The following SLIT2 variants were observed in gnomAD, a reference collection of about 807,000 sequenced individuals.
SLIT2 encodes the protein slit guidance ligand 2.
Under a neutral mutation model 185.7 loss-of-function variants are expected in SLIT2, and 41 were observed. That is an observed-to-expected ratio of 0.22 (90% CI 0.17 to 0.29). The LOEUF is 0.29. Ranked by LOEUF, SLIT2 falls within the 10% of genes least tolerant of loss-of-function variation. The pLI is 1.00. For synonymous variants in SLIT2, 693 were observed against 680.2 expected, an observed-to-expected ratio of 1.02 and a Z score of -0.29; for missense variants, 1,571 against 1,909.0, an observed-to-expected ratio of 0.82 and a Z score of 3.30.
intron 29 of SLIT2, among the ~76,000 whole-genome samples, chr4:20,581,535 A>G (rs911785260): frequency 3.3e-5 from 5 of 152,144 alleles, no homozygotes; most frequent in East Asian, 1.9e-4. Flanking sequence ...TACCCAAATC[A>G]TAGACATTCT....
chr4:20,322,412 T>C (rs899531754), intron 4 of SLIT2, among the ~76,000 whole-genome samples: 4 of 152,156 alleles, frequency 2.6e-5, no homozygotes, highest in African/African-American at 9.6e-5. Context: ...GGAGGGGTCA[T>C]CAAGGTCATA....
At chr4:20,578,546 A>T (rs993079899) in intron 29 of SLIT2, among the ~76,000 whole-genome samples, 1 of 152,216 alleles carries the variant, frequency 6.6e-6, no homozygotes, top group Non-Finnish European at 1.5e-5. Context: ...TAGGAATAAA[A>T]ATGGGCTGCA....
chr4:20,583,744 G>A (rs1032987973), intron 29 of SLIT2, among the ~76,000 whole-genome samples: 3 of 151,968 alleles, frequency 2.0e-5, no homozygotes, highest in Admixed American at 1.3e-4. Context: ...AGGAGGCAGA[G>A]GTTGCAGTGA....
At chr4:20,419,698 T>C (rs904037375) in intron 4 of SLIT2, among the ~76,000 whole-genome samples, 4 of 151,730 alleles carry the variant, frequency 2.6e-5, no homozygotes, top group Non-Finnish European at 5.9e-5. Flanking sequence ...TGTGTGTGTG[T>C]GTGTGTGTGT....
At chr4:20,472,386 G>GAGATATAGATATCTATATCTCTATATA (rs1560453735) in intron 5 of SLIT2, among the ~76,000 whole-genome samples, 1 of 38,394 alleles carries the variant, frequency 2.6e-5, no homozygotes, top group Non-Finnish European at 3.9e-5. Flanking sequence ...CTATATATAT[G>GAGATATAGATATCTATATCTCTATATA]TAGATATATA....
At chr4:20,492,652 C>T (rs1717883238) in intron 9 of SLIT2, among the ~76,000 whole-genome samples, 1 of 152,170 alleles carries the variant, frequency 6.6e-6, no homozygotes, top group South Asian at 2.1e-4. Flanking sequence ...ACCACCCAGC[C>T]CATTATATTA....
At chr4:20,578,661 A>G (rs1163721365) in intron 29 of SLIT2, among the ~76,000 whole-genome samples, 1 of 152,194 alleles carries the variant, frequency 6.6e-6, no homozygotes, top group Non-Finnish European at 1.5e-5. Flanking sequence ...ATCTAGTTAC[A>G]TTAGCAGAAG....
chr4:20,377,626 C>T (rs1724136270), intron 4 of SLIT2, among the ~76,000 whole-genome samples: 1 of 152,132 alleles, frequency 6.6e-6, no homozygotes, highest in South Asian at 2.1e-4. Context: ...TATCCTCCCA[C>T]AGAGAAACTT....
chr4:20,275,721 C>T (rs1714106318), intron 4 of SLIT2, among the ~76,000 whole-genome samples: 1 of 152,096 alleles, frequency 6.6e-6, no homozygotes, highest in Admixed American at 6.5e-5. Context: ...TTAATGAGAT[C>T]TCTTCATGCT....
intron 4 of SLIT2, among the ~76,000 whole-genome samples, chr4:20,319,822 CA>C (rs1718907206): frequency 6.7e-6 from 1 of 149,308 alleles, no homozygotes; most frequent in Admixed American, 6.7e-5. Context: ...AAAAAAAAAA[CA>C]AAAACCATAA....
intron 4 of SLIT2, among the ~76,000 whole-genome samples, chr4:20,299,724 C>A (rs1246259416): frequency 6.6e-6 from 1 of 151,290 alleles, no homozygotes; most frequent in Non-Finnish European, 1.5e-5. Flanking sequence ...TAAGGCCCGA[C>A]AGGGGGAGCC....
At chr4:20,489,043 T>G in intron 8 of SLIT2, 61 bp downstream of exon 8, 6 of 1,385,338 alleles carry the variant, frequency 4.3e-6, no homozygotes, top group Non-Finnish European at 6.1e-6. Flanking sequence ...TAACAGAATG[T>G]GAGGGCTGCA....
intron 22 of SLIT2, among the ~76,000 whole-genome samples, chr4:20,547,929 C>A (rs1723399328): frequency 6.6e-6 from 1 of 151,976 alleles, no homozygotes; most frequent in South Asian, 2.1e-4. Flanking sequence ...ATGACTCAGC[C>A]AGGGGCAGGA....
intron 4 of SLIT2, among the ~76,000 whole-genome samples, chr4:20,354,396 T>G (rs1722133097): frequency 6.6e-6 from 1 of 152,126 alleles, no homozygotes; most frequent in South Asian, 2.1e-4. Flanking sequence ...GACACTCTAG[T>G]GAGCACTCAC....
At chr4:20,522,710 T>A (rs1168501766) in intron 12 of SLIT2, among the ~76,000 whole-genome samples, 2 of 152,050 alleles carry the variant, frequency 1.3e-5, no homozygotes, top group Non-Finnish European at 2.9e-5. Flanking sequence ...TGTGGGGAAT[T>A]ATGTTAAAAA....
intron 11 of SLIT2, among the ~76,000 whole-genome samples, chr4:20,512,086 TAGATC>T (rs1321776329): frequency 6.6e-6 from 1 of 152,164 alleles, no homozygotes; most frequent in African/African-American, 2.4e-5. Flanking sequence ...AAGTAACCTT[TAGATC>T]AGATTTAAAT....
chr4:20,411,525 T>A (rs1727258477), intron 4 of SLIT2, among the ~76,000 whole-genome samples: 2 of 152,224 alleles, frequency 1.3e-5, no homozygotes, highest in Admixed American at 1.3e-4. Flanking sequence ...AGAATCTTGC[T>A]GCATTTCAGG....
intron 9 of SLIT2, among the ~76,000 whole-genome samples, chr4:20,506,760 TTTTATAATATA>T (rs564654325): frequency 2.8e-4 from 43 of 152,090 alleles, no homozygotes; most frequent in African/African-American, 1.0e-3. Flanking sequence ...AGAACAGACA[TTTTATAATATA>T]TTAAAATTTA....
chr4:20,404,518 A>G (rs1444311288), intron 4 of SLIT2, among the ~76,000 whole-genome samples: 1 of 152,020 alleles, frequency 6.6e-6, no homozygotes, highest in African/African-American at 2.4e-5. Flanking sequence ...AAAAGTGCCT[A>G]GCACATAGGA....
Sources: gnomAD v4.1 joint callset for allele counts (sites outside exome capture counted in the v4.1 genomes callset) on GRCh38, gnomAD v4.1.1 for gene constraint, MANE v1.5 for transcripts, NCBI Gene and HGNC (gene_info 2026-07-23, HGNC 2026-07-21) for gene names.